GRIK5: variants seen among roughly 807,000 people sequenced by gnomAD.
GRIK5 encodes glutamate receptor ionotropic, kainate 5.
In GRIK5, 43 loss-of-function variants were observed where a neutral mutation model predicts 97.4. That is an observed-to-expected ratio of 0.44 (90% confidence interval 0.35 to 0.57). GRIK5 has a LOEUF of 0.57. Ranked by LOEUF, GRIK5 falls within the 20% of genes least tolerant of loss-of-function variation. The pLI, the probability that GRIK5 is intolerant of heterozygous loss-of-function variation, is 0.01. For synonymous variants in GRIK5, 580 were observed against 583.5 expected (o/e 0.99, Z 0.09); for missense variants, 1,015 against 1,382.0 (o/e 0.73, Z 4.21).
chr19:42,023,297 C>T (rs906848337), intron 12 of GRIK5, among the ~76,000 whole-genome samples: 8 of 152,028 alleles, frequency 5.3e-5, no homozygotes, highest in African/African-American at 1.2e-4. Context: ...CATCCAGAGG[C>T]GGCAGTGTGG....
At chr19:42,015,068 C>A (rs973153775) in intron 15 of GRIK5, among the ~76,000 whole-genome samples, 3 of 152,122 alleles carry the variant, frequency 2.0e-5, no homozygotes, top group Non-Finnish European at 4.4e-5. Context: ...TAAGGAGAGA[C>A]ATTATATAAT....
chr19:42,043,555 T>C (rs1296789114), intron 11 of GRIK5, among the ~76,000 whole-genome samples: 1 of 151,912 alleles, frequency 6.6e-6, no homozygotes, highest in African/African-American at 2.4e-5. Context: ...TACAGGTGCC[T>C]GCCACCACGC....
At chr19:42,037,435 G>A (rs1180628888) in intron 12 of GRIK5, among the ~76,000 whole-genome samples, 2 of 152,116 alleles carry the variant, frequency 1.3e-5, no homozygotes. Context: ...CTCCAGCCTG[G>A]GCGACAGAGT....
Position 42,002,142 on chromosome 19 carries a change from A to T in GRIK5, c.2514+1190T>A. 1.4e-6 allele frequency: 1 copy of T among 717,474 alleles called. No homozygotes were observed. The allele number at this position is 717,474 out of a possible 1,614,324, so 44.4% of individuals were successfully genotyped here. A position where few individuals can be genotyped will look rare whatever the true frequency, so the allele number is the denominator to read the frequency against. On this transcript the variant is annotated intron_variant, in intron 19 of 19. Coordinates refer to ENST00000593562, the MANE Select transcript of GRIK5 (RefSeq NM_002088.5). This position sits in a 1 kb window ranked among gnomAD's most constrained non-coding sequence, Gnocchi z 5.2. ...AGACATGGAAGTTGCTGGTGACAAG[A>T]GTGGCTTCAGTGGAGTGGCAGGGAC...
At chr19:42,068,977 A>G (rs1282589744) in intron 1 of GRIK5, 9 of 574,646 alleles carry the variant, frequency 1.6e-5, no homozygotes, top group South Asian at 4.1e-5. Context: ...TGAGAGCCCA[A>G]GTAAGAGCAA....
At chr19:42,054,611 G>T in intron 8 of GRIK5, 139 bp from the exon 9 acceptor site, 1 of 880,956 alleles carries the variant, frequency 1.1e-6, no homozygotes, top group Non-Finnish European at 1.7e-6. Context: ...TGGGTCAGGA[G>T]TGAGGAAGTG....
In GRIK5 at chr19:42,022,823, C is replaced by T. The variant is rs1368126922; in HGVS notation, c.1474-469G>A. On this transcript the variant is annotated intron_variant, in intron 12 of 19. Transcript: ENST00000593562. This position sits in a 1 kb window ranked among gnomAD's most constrained non-coding sequence, Gnocchi z 4.2. ...GAGGAAGGGTGCAGGTCAGCATGTG[C>T]CCACAGCCAGTGGAGACATAACCCA... Among the ~76,000 whole-genome samples, 4 of 151,656 alleles carry T rather than the reference C, an allele frequency of 2.6e-5. No individual in the cohort carries two copies. In the South Asian group the frequency reaches 8.3e-4, roughly 32 times the overall value.
rs2075407955 is a variant in GRIK5 at position 41,999,495 on chromosome 19, C to G, written c.2515-196G>C. Among the ~76,000 whole-genome samples the G allele has an allele frequency of 6.6e-6, 1 of 152,162 alleles. No homozygotes were observed. The highest frequency in any genetic ancestry group is 6.5e-5 in the Admixed American group (1 of 15,276). Reference sequence around the variant, plus strand: ...CCCCTCTCCACCTCTCCCCACTTATCTTCAATGTCTCCATTCTACTCTGCG... The same window carrying G: ...CCCCTCTCCACCTCTCCCCACTTATGTTCAATGTCTCCATTCTACTCTGCG... On this transcript the variant is annotated intron_variant, in intron 19 of 19. Transcript: ENST00000593562. The surrounding 1 kb of genome is among the most constrained non-coding windows in gnomAD (Gnocchi z 5.0).
chr19:41,999,132 G>A lies in GRIK5; in HGVS notation c.2682C>T (p.Gly894=). ...RLSNGKLYSA[G]AGGDAGSAHG... ...GCGCGCTGCCCGCATCCCCGCCCGC[G>A]CCGGCCGAGTAGAGCTTGCCGTTGC... The change falls in exon 20 of 20, where the codon GGC becomes GGT. Residue 894 remains glycine, a synonymous_variant. Coordinates refer to ENST00000593562, the MANE Select transcript of GRIK5 (RefSeq NM_002088.5). The surrounding 1 kb of genome is among the most constrained non-coding windows in gnomAD (Gnocchi z 5.0). The A allele has an allele frequency of 6.9e-7, 1 of 1,440,876 alleles. No homozygotes were observed. 89.3% of individuals were successfully genotyped at this position (1,440,876 alleles called of 1,614,324 possible).
In GRIK5 at chr19:41,999,116, C is replaced by A. The variant is rs1555870250; in HGVS notation, c.2698G>T (p.Gly900Cys). ...LYSAGAGGDA[G>C]SAHGGPQRLL... Reference sequence around the variant, plus strand: ...CGCTGCGGGCCCCCGTGCGCGCTGCCCGCATCCCCGCCCGCGCCGGCCGAG... The same window carrying A: ...CGCTGCGGGCCCCCGTGCGCGCTGCACGCATCCCCGCCCGCGCCGGCCGAG... The change falls in exon 20 of 20, where the codon GGC (glycine) becomes TGC (cysteine). Residue 900 changes from glycine to cysteine, a missense_variant. Transcript: ENST00000593562. The surrounding 1 kb of genome is among the most constrained non-coding windows in gnomAD (Gnocchi z 5.0). 2 of 1,410,342 alleles carry A rather than the reference C, an allele frequency of 1.4e-6. No individual in the cohort carries two copies. Among genetic ancestry groups the A allele is most frequent in the Non-Finnish European group, 1.8e-6 (2 of 1,088,322 alleles). The allele number at this position is 1,410,342 out of a possible 1,614,324, so 87.4% of individuals were successfully genotyped here. A position where few individuals can be genotyped will look rare whatever the true frequency, so the allele number is the denominator to read the frequency against.
intron 15 of GRIK5, among the ~76,000 whole-genome samples, chr19:42,013,473 G>A (rs1370039915): frequency 1.4e-5 from 2 of 143,662 alleles, no homozygotes; most frequent in Non-Finnish European, 3.0e-5. Flanking sequence ...GCAGTGGGGC[G>A]ATCTCGGCTC....
chr19:42,032,219 A>G (rs751146516), intron 12 of GRIK5, among the ~76,000 whole-genome samples: 8 of 152,264 alleles, frequency 5.3e-5, no homozygotes, highest in Non-Finnish European at 1.0e-4. Flanking sequence ...ATTATGGTAC[A>G]TCCACATGGA....
chr19:42,009,406 A>G lies in GRIK5; in HGVS notation c.1872-2596T>C, dbSNP rs957183967. ...TACAGGCACCCGCCACCATGCCCAG[A>G]TAATTTTTGTATTTTTTGTAGAGAT... On this transcript the variant is annotated intron_variant, in intron 15 of 19. Transcript: ENST00000593562. Among the ~76,000 whole-genome samples, 6 of 151,300 alleles carry G rather than the reference A, an allele frequency of 4.0e-5. No homozygotes were observed. The East Asian group carries it at 7.9e-4, about 20-fold the overall frequency.
chr19:42,053,726 G>T lies in GRIK5; in HGVS notation c.1162-17C>A. On this transcript the variant is annotated splice_polypyrimidine_tract_variant and intron_variant, in intron 10 of 19. Transcript: ENST00000593562. ...CACCCCAATCTAGGGGGCAGAGAGGGTGCTGTCAGCTCAGGCCCTGCCTGA... is the reference window on the plus strand; with the variant it reads ...CACCCCAATCTAGGGGGCAGAGAGGTTGCTGTCAGCTCAGGCCCTGCCTGA... The T allele has an allele frequency of 6.4e-7, 1 of 1,574,094 alleles. No homozygotes were observed. Among genetic ancestry groups the T allele is most frequent in the Non-Finnish European group, 8.7e-7 (1 of 1,143,510 alleles).
intron 11 of GRIK5, among the ~76,000 whole-genome samples, chr19:42,051,533 G>A (rs1348045759): frequency 6.6e-6 from 1 of 152,142 alleles, no homozygotes; most frequent in African/African-American, 2.4e-5. Context: ...CCCACCTGCT[G>A]CCCCGCAGCC....
chr19:42,027,613 G>A (rs1268483992), intron 12 of GRIK5, among the ~76,000 whole-genome samples: 1 of 152,194 alleles, frequency 6.6e-6, no homozygotes, highest in African/African-American at 2.4e-5. Context: ...GAGTGGATGT[G>A]GGAACCAGGG....
chr19:42,036,684 G>T (rs909068910), intron 12 of GRIK5, among the ~76,000 whole-genome samples: 2 of 152,178 alleles, frequency 1.3e-5, no homozygotes, highest in African/African-American at 4.8e-5. Flanking sequence ...CAGATGAAGA[G>T]AACTGGGGAC....
chr19:42,060,342 G>A (rs77034798), intron 5 of GRIK5, among the ~76,000 whole-genome samples: 3,188 of 152,248 alleles, frequency 0.021, 104 homozygotes, highest in African/African-American at 0.072. Context: ...GGTACAGGAT[G>A]AGGAGATGAG....
chr19:42,003,773 C>T lies in GRIK5; in HGVS notation c.2264-90G>A, dbSNP rs1435920199. The T allele has an allele frequency of 2.2e-6, 3 of 1,391,764 alleles. No homozygotes were observed. The highest frequency in any genetic ancestry group is 5.5e-5 in the Admixed American group (2 of 36,198). 86.2% of individuals were successfully genotyped at this position (1,391,764 alleles called of 1,614,324 possible). On this transcript the variant is annotated intron_variant, in intron 17 of 19. Coordinates refer to ENST00000593562, the MANE Select transcript of GRIK5 (RefSeq NM_002088.5). This position sits in a 1 kb window ranked among gnomAD's most constrained non-coding sequence, Gnocchi z 4.2. ...CAAACTGTGCCCTCACCACGGCCTT[C>T]CCCCGCCTCTACCACGTGCCCAGGG...
Sources: allele counts gnomAD v4.1 joint callset (sites outside exome capture counted in the v4.1 genomes callset), GRCh38; gene constraint gnomAD v4.1.1; non-coding constraint Gnocchi (gnomAD v3.1); transcripts MANE v1.5; gene names NCBI Gene and HGNC (gene_info 2026-07-23, HGNC 2026-07-21).